The following PRB4 variants were observed in gnomAD, a reference collection of about 807,000 sequenced individuals.
The protein encoded by PRB4 is basic salivary proline-rich protein 4.
A neutral mutation model predicts 9.1 loss-of-function variants in PRB4; 14 were observed. That is an observed-to-expected ratio of 1.54 (90% confidence interval 1.02 to 2.41). PRB4 has a LOEUF of 2.41. Ranked by LOEUF, PRB4 falls within the 30% of genes most tolerant of loss-of-function variation. PRB4 has a pLI of 0.00. For missense variants in PRB4, 381 were observed against 299.3 expected, an observed-to-expected ratio of 1.27 and a Z score of -2.02; for synonymous variants, 102 against 108.5, an observed-to-expected ratio of 0.94 and a Z score of 0.37.
intron 2 of PRB4, 121 bp from the exon 3 acceptor site, chr12:11,309,003 A>T (rs1862991718): frequency 1.4e-6 from 2 of 1,431,106 alleles, no homozygotes; most frequent in African/African-American, 1.4e-5. Flanking sequence ...TTGCATTTTC[A>T]GTGAAGCCCT....
intron 3 of PRB4, among the ~76,000 whole-genome samples, 151 bp downstream of exon 3, chr12:11,308,070 C>T (rs1432249986): frequency 6.6e-6 from 1 of 152,198 alleles, no homozygotes; most frequent in African/African-American, 2.4e-5. Context: ...ACAGGGTCCC[C>T]TTACCCTATT....
At position 11,308,510 on chromosome 12, in the gene PRB4, TG is replaced by T; in HGVS notation, c.472del (p.His158IlefsTer99). 2 of 1,502,164 alleles carry T rather than the reference TG, an allele frequency of 1.3e-6. No individual in the cohort carries two copies. Among genetic ancestry groups the T allele is most frequent in the Non-Finnish European group, 1.8e-6 (2 of 1,119,172 alleles). The allele number at this position is 1,502,164 out of a possible 1,614,324, so 93.1% of individuals were successfully genotyped here. ...GGNQSQGPPPHPGKPEGPPPQ... is the reference protein window; with the variant it reads ...GGNQSQGPPPXPGKPEGPPPQ... ...GGGTGGTCCTTCTGGCTTTCCTGGA[TG>T]AGGTGGGGGACCTTGGGACTGGTTA... On this transcript the variant is annotated frameshift_variant, in exon 3 of 4. Coordinates refer to ENST00000279575, the MANE Select transcript of PRB4 (RefSeq NM_002723.6). LOFTEE classifies it low-confidence loss of function (END_TRUNC).
intron 2 of PRB4, 91 bp downstream of exon 2, chr12:11,309,274 TGAAAG>T (rs1229960468): frequency 1.3e-5 from 20 of 1,595,160 alleles, no homozygotes; most frequent in Non-Finnish European, 1.5e-5. Flanking sequence ...AATCAATTCC[TGAAAG>T]GAAAGTGTTG....
At position 11,310,373 on chromosome 12, in the gene PRB4, G is replaced by C; in HGVS notation, c.26C>G (p.Ala9Gly). The change falls in exon 1 of 4, where the codon GCC becomes GGC. Residue 9 changes from alanine (A) to glycine (G), a missense_variant. This residue lies in a region of PRB4 where 151 missense variants were observed against 105.8 expected (regional missense o/e 1.43). Coordinates refer to ENST00000279575, the MANE Select transcript of PRB4 (RefSeq NM_002723.6). The stretch of plus-strand genomic sequence containing the variant: ...CTCAGCTGAGCTCAGGGCCAGCAGG[G>C]CCACTGACAGCAGAATCAGCAGCAT... MLLILLSV[A>G]LLALSSAESS... 1 of 1,614,228 alleles carries C rather than the reference G, an allele frequency of 6.2e-7. No individual in the cohort carries two copies.
intron 2 of PRB4, 35 bp downstream of exon 2, chr12:11,309,335 G>A (rs1863000547): frequency 1.2e-6 from 2 of 1,613,996 alleles, no homozygotes; most frequent in South Asian, 1.1e-5. Context: ...CAGAAAAAGG[G>A]AGTCAAAACA....
At chr12:11,307,817 A>G (rs1348845427) in intron 3 of PRB4, among the ~76,000 whole-genome samples, 1 of 152,246 alleles carries the variant, frequency 6.6e-6, no homozygotes, top group Non-Finnish European at 1.5e-5. Flanking sequence ...CACGCCATTT[A>G]GCTGCTGAAA....
Position 11,308,893 on chromosome 12 carries a change from T to A in PRB4, c.101-11A>T. On this transcript the variant is annotated splice_polypyrimidine_tract_variant and intron_variant, in intron 2 of 3. Transcript: ENST00000279575. ...GTCCTTCTGGCTTTCCTGGAGGAGG[T>A]GGGGGACATACGGCATTCACTGAAT... is the stretch of plus-strand genomic sequence containing the variant. The A allele has an allele frequency of 5.1e-6, 8 of 1,580,848 alleles. No homozygotes were observed. Among genetic ancestry groups the A allele is most frequent in the Non-Finnish European group, 5.2e-6 (6 of 1,156,486 alleles).
In PRB4 at chr12:11,309,431, G is replaced by A. The variant is rs748869398; in HGVS notation, c.65-26C>T. The A allele has an allele frequency of 2.5e-6, 4 of 1,613,964 alleles. No homozygotes were observed. The East Asian group carries it at 6.7e-5, about 27-fold the overall frequency. On this transcript the variant is annotated intron_variant, in intron 1 of 3. Coordinates refer to ENST00000279575, the MANE Select transcript of PRB4 (RefSeq NM_002723.6). The stretch of plus-strand genomic sequence containing the variant: ...CTAGAAGAGAAGCACAGGATGATGG[G>A]AAATGTTACATCTCAAATCTTCAAG...
chr12:11,309,932 A>G (rs1227131770), intron 1 of PRB4, among the ~76,000 whole-genome samples: 2 of 152,142 alleles, frequency 1.3e-5, no homozygotes, highest in East Asian at 1.9e-4. Context: ...TCTCTGCAGT[A>G]TCTCTGATGT....
rs1441177157 is a variant in PRB4, at chr12:11,310,383, G to A, written c.16C>T (p.Leu6=). The change falls in exon 1 of 4, where the codon CTG becomes TTG. Residue 6 remains leucine, a synonymous_variant. Coordinates refer to ENST00000279575, the MANE Select transcript of PRB4 (RefSeq NM_002723.6). MLLIL[L]SVALLALSSA... is the part of the protein sequence containing the mutation. ...CTCAGGGCCAGCAGGGCCACTGACA[G>A]CAGAATCAGCAGCATCTCGCTGGAG... is the stretch of plus-strand genomic sequence containing the variant. 6.2e-7 allele frequency: 1 copy of A among 1,614,236 alleles called. No homozygotes were observed. The highest frequency in any genetic ancestry group is 8.5e-7 in the Non-Finnish European group (1 of 1,180,044).
At position 11,308,277 on chromosome 12, in the gene PRB4, G is replaced by T. The variant is rs1473441413; in HGVS notation, c.706C>A (p.Pro236Thr). 1 of 1,609,234 alleles carries T rather than the reference G, an allele frequency of 6.2e-7. No individual in the cohort carries two copies. The highest frequency in any genetic ancestry group is 1.1e-5 in the South Asian group (1 of 90,184). Residue 236 changes from proline to threonine, a missense_variant, in exon 3 of 4, where the codon CCA becomes ACA. Physicochemically the swap from Pro to Thr is conservative, Grantham distance 38 (BLOSUM62 -1). Around this residue, in one of 3 missense-constraint regions of PRB4, gnomAD observed 204 missense variants for 134.4 expected, o/e 1.52. Transcript: ENST00000279575. ...GPPPPPQGGR[P>T]PRPAQGQQPP... ...TGTTGTCCCTGGGCAGGTCTGGGTGGCCTGCCCCCTTGAGGAGGTGGAGGT... is the reference window on the plus strand; with the variant it reads ...TGTTGTCCCTGGGCAGGTCTGGGTGTCCTGCCCCCTTGAGGAGGTGGAGGT...
Position 11,309,380 on chromosome 12 carries a change from G to A in PRB4, c.90C>T (p.Phe30=), listed in dbSNP as rs1371823694. 6.2e-7 allele frequency: 1 copy of A among 1,614,134 alleles called. No homozygotes were observed. Among genetic ancestry groups the A allele is most frequent in the Non-Finnish European group, 8.5e-7 (1 of 1,179,992 alleles). ...TGAATTGGGATTTACCTGATATTAG[G>A]AAGAGAGATTCTTCCTGGCTGACAT... ...SEDVSQEESL[F]LISGKPEGRR... Residue 30 remains phenylalanine (F), a synonymous_variant, in exon 2 of 4, where the codon TTC becomes TTT. Transcript: ENST00000279575.
chr12:11,309,614 C>G (rs368588555), intron 1 of PRB4, among the ~76,000 whole-genome samples: 3 of 152,188 alleles, frequency 2.0e-5, no homozygotes, highest in Non-Finnish European at 4.4e-5. Context: ...ATGAGTTCAA[C>G]ATAGAACAGC....
chr12:11,308,321 G>C lies in PRB4; in HGVS notation c.662C>G (p.Ala221Gly). ...TGGAGGTGGCCCCTGGGGCTTTCCA[G>C]CAGGAGGTGCCTGAGGCTGCTGGGG... ...GNPQQPQAPP[A>G]GKPQGPPPPP... Residue 221 changes from alanine (A) to glycine (G), a missense_variant, in exon 3 of 4, where the codon GCT (alanine) becomes GGT (glycine). By Grantham distance (60) the Ala-to-Gly change is moderately conservative. Around this residue, in one of 3 missense-constraint regions of PRB4, gnomAD observed 204 missense variants for 134.4 expected, o/e 1.52. Coordinates refer to ENST00000279575, the MANE Select transcript of PRB4 (RefSeq NM_002723.6). 1 of 1,609,272 alleles carries C rather than the reference G, an allele frequency of 6.2e-7. No individual in the cohort carries two copies. Among genetic ancestry groups the C allele is most frequent in the Non-Finnish European group, 8.5e-7 (1 of 1,176,916 alleles).
rs1862928664 is a variant in PRB4 at position 11,307,109 on chromosome 12, T to G, written c.*109A>C. On this transcript the variant is annotated 3_prime_UTR_variant, in exon 4 of 4. Transcript: ENST00000279575. The stretch of plus-strand genomic sequence containing the variant: ...CAAGCTGATTATTTTATTGGTATAT[T>G]AAAGTTAGAGCTATGATGACCTTGT... 6.5e-6 allele frequency: 1 copy of G among 154,556 alleles called. No homozygotes were observed. The highest frequency in any genetic ancestry group is 2.4e-5 in the African/African-American group (1 of 41,524). The allele number at this position is 154,556 out of a possible 1,614,324, so 9.6% of individuals were successfully genotyped here. A position where few individuals can be genotyped will look rare whatever the true frequency, so the allele number is the denominator to read the frequency against.
At chr12:11,309,010 C>T (rs1335580516) in intron 2 of PRB4, 128 bp from the exon 3 acceptor site, 34 of 1,382,438 alleles carry the variant, frequency 2.5e-5, no homozygotes, top group Middle Eastern at 4.2e-4. Context: ...TTCAGTGAAG[C>T]CCTAGAACTC....
chr12:11,309,535 C>T, intron 1 of PRB4, 130 bp from the exon 2 acceptor site: 1 of 1,555,398 alleles, frequency 6.4e-7, no homozygotes, highest in Non-Finnish European at 8.8e-7. Flanking sequence ...CAGCCACCAT[C>T]TGTGAAGGTG....
Position 11,308,210 on chromosome 12 carries a change from T to G in PRB4, c.*18+11A>C. ...ATTAGAGTCCTGATGAATAATAAAG[T>G]GGAATCATACCTGTCATTGAATCCT... On this transcript the variant is annotated intron_variant, in intron 3 of 3. Transcript: ENST00000279575. The G allele has an allele frequency of 1.2e-6, 2 of 1,602,810 alleles. No homozygotes were observed.
In PRB4 at chr12:11,310,367, A is replaced by G. The variant is rs763238155; in HGVS notation, c.32T>C (p.Leu11Pro). MLLILLSVALLALSSAESSSE... is the reference protein window; with the variant it reads MLLILLSVALPALSSAESSSE... The stretch of plus-strand genomic sequence containing the variant: ...TGAACTCTCAGCTGAGCTCAGGGCC[A>G]GCAGGGCCACTGACAGCAGAATCAG... The change falls in exon 1 of 4, where the codon CTG becomes CCG. Residue 11 changes from leucine to proline, a missense_variant. Leu to Pro is a moderately conservative substitution (Grantham distance 98). Around this residue, in one of 3 missense-constraint regions of PRB4, gnomAD observed 151 missense variants for 105.8 expected, o/e 1.43. Transcript: ENST00000279575. The G allele has an allele frequency of 1.2e-6, 2 of 1,614,228 alleles. No homozygotes were observed. The highest frequency in any genetic ancestry group is 1.7e-6 in the Non-Finnish European group (2 of 1,180,044).
Sources: gnomAD v4.1 joint callset for allele counts (sites outside exome capture counted in the v4.1 genomes callset) on GRCh38, gnomAD v4.1.1 for gene constraint, gnomAD v4.1.1 regional missense constraint, MANE v1.5 for transcripts, NCBI Gene and HGNC (gene_info 2026-07-23, HGNC 2026-07-21) for gene names.